The following STAB2 variants were observed in gnomAD, a reference collection of about 807,000 sequenced individuals.
STAB2 encodes stabilin 2.
STAB2 carries 288 observed loss-of-function variants against 338.1 expected under a neutral mutation model. The ratio of observed to expected loss-of-function variants is 0.85; its 90% confidence interval spans 0.77 to 0.94. STAB2 has a LOEUF of 0.94. STAB2 is among the 40% of genes least tolerant of loss of function. STAB2 has a pLI of 0.00. For missense variants in STAB2, 3,141 were observed against 3,210.1 expected, an observed-to-expected ratio of 0.98 and a Z score of 0.52; for synonymous variants, 1,202 against 1,193.3, an observed-to-expected ratio of 1.01 and a Z score of -0.15.
chr12:103,729,026 C>G, intron 48 of STAB2, 31 bp downstream of exon 48: 1 of 1,610,280 alleles, frequency 6.2e-7, no homozygotes, highest in African/African-American at 1.3e-5. Context: ...GGTCCTCTCT[C>G]CCCTAGATCA....
In STAB2 at chr12:103,749,732, C is replaced by T. The variant is rs375750338; in HGVS notation, c.6438+576C>T. On this transcript the variant is annotated intron_variant, in intron 59 of 68. Transcript: ENST00000388887. ...GCGGGCACCTGTAGTCCCAGCTACT[C>T]GGGAGGCTGAGGCAGGAGAATGGCA... is the stretch of plus-strand genomic sequence containing the variant. Among the ~76,000 whole-genome samples the T allele has an allele frequency of 6.2e-3, 917 of 148,704 alleles. 7 individuals are homozygous for T. Among genetic ancestry groups the T allele is most frequent in the African/African-American group, 0.019 (767 of 40,520 alleles).
chr12:103,725,788 T>C (rs1881152355), intron 45 of STAB2, among the ~76,000 whole-genome samples: 1 of 152,254 alleles, frequency 6.6e-6, no homozygotes, highest in Admixed American at 6.5e-5. Context: ...ATATTGTTAC[T>C]AGAGTAACCA....
intron 3 of STAB2, among the ~76,000 whole-genome samples, chr12:103,619,322 T>C (rs1957260697): frequency 6.6e-6 from 1 of 152,158 alleles, no homozygotes; most frequent in Non-Finnish European, 1.5e-5. Context: ...CAGTCAGAGC[T>C]CATCCATATT....
Position 103,730,139 on chromosome 12 carries a change from G to T in STAB2, c.5106G>T (p.Lys1702Asn), listed in dbSNP as rs568853262. The T allele has an allele frequency of 1.9e-6, 3 of 1,610,366 alleles. No homozygotes were observed. Among genetic ancestry groups the T allele is most frequent in the African/African-American group, 2.7e-5 (2 of 74,800 alleles). Residue 1702 changes from lysine (K) to asparagine (N), a missense_variant, in exon 49 of 69, where the codon AAG becomes AAT. Lys to Asn is a moderately conservative substitution (Grantham distance 94, BLOSUM62 0). Coordinates refer to ENST00000388887, the MANE Select transcript of STAB2 (RefSeq NM_017564.10). ...AGAGCACGGTGTATATAAACAATAA[G>T]GCTAAGATCATATCCAGTGATATCA... is the stretch of plus-strand genomic sequence containing the variant. ...VSQSTVYINN[K>N]AKIISSDIIS... is the part of the protein sequence containing the mutation.
At chr12:103,702,603 A>G (rs1165155604) in intron 34 of STAB2, among the ~76,000 whole-genome samples, 1 of 152,244 alleles carries the variant, frequency 6.6e-6, no homozygotes, top group East Asian at 1.9e-4. Context: ...CCGGCCTATC[A>G]GTTATTTTTA....
In STAB2 at chr12:103,654,618, A is replaced by G. The variant is rs192925107; in HGVS notation, c.1471A>G (p.Ile491Val). 1.2e-6 allele frequency: 2 copies of G among 1,614,220 alleles called. No homozygotes were observed. The highest frequency in any genetic ancestry group is 8.5e-7 in the Non-Finnish European group (1 of 1,180,018). The change falls in exon 13 of 69, where the codon ATC becomes GTC. Residue 491 changes from isoleucine (I) to valine (V), a missense_variant. Physicochemically the swap from Ile to Val is conservative, Grantham distance 29 (BLOSUM62 3). Transcript: ENST00000388887. ...KKKVKIIQGDIIASNGLLHIL... is the reference protein window; with the variant it reads ...KKKVKIIQGDVIASNGLLHIL... ...GAAGGTAAAAATTATACAAGGGGAC[A>G]TCATTGCTTCCAATGGGCTTCTGCA...
intron 65 of STAB2, among the ~76,000 whole-genome samples, chr12:103,760,288 T>C (rs949325621): frequency 5.9e-5 from 9 of 152,168 alleles, no homozygotes; most frequent in Non-Finnish European, 7.3e-5. Flanking sequence ...TTAGACAGTC[T>C]CTCGCTCTGT....
At chr12:103,626,673 T>G (rs1278462145) in intron 5 of STAB2, among the ~76,000 whole-genome samples, 2 of 152,210 alleles carry the variant, frequency 1.3e-5, no homozygotes, top group African/African-American at 4.8e-5. Flanking sequence ...AACCTTTTCA[T>G]CCAGGCATCT....
intron 3 of STAB2, among the ~76,000 whole-genome samples, chr12:103,606,871 C>G (rs192024569): frequency 6.6e-6 from 1 of 152,218 alleles, no homozygotes; most frequent in African/African-American, 2.4e-5. Context: ...GTAGTCCCAG[C>G]TACTTGGGTG....
intron 5 of STAB2, among the ~76,000 whole-genome samples, chr12:103,626,200 A>G (rs551781828): frequency 2.6e-5 from 4 of 152,376 alleles, no homozygotes; most frequent in Admixed American, 2.6e-4. Flanking sequence ...AGTAGCCACT[A>G]GCCACATATG....
intron 39 of STAB2, 127 bp from the exon 40 acceptor site, chr12:103,711,344 T>G (rs577264560): frequency 6.4e-6 from 8 of 1,253,020 alleles, no homozygotes; most frequent in Non-Finnish European, 9.0e-6. Flanking sequence ...CATGACCTCA[T>G]AGTTTTATAT....
At chr12:103,750,118 AC>A (rs1883494949) in intron 59 of STAB2, among the ~76,000 whole-genome samples, 1 of 152,230 alleles carries the variant, frequency 6.6e-6, no homozygotes, top group African/African-American at 2.4e-5. Flanking sequence ...CATTGATTCA[AC>A]CAGTGGTCAT....
chr12:103,668,814 TG>T (rs1875428434), intron 20 of STAB2, 85 bp downstream of exon 20: 1 of 1,222,092 alleles, frequency 8.2e-7, no homozygotes. Flanking sequence ...AGGGTCCACG[TG>T]GTCACAGGTG....
chr12:103,676,292 C>G (rs920443924), intron 24 of STAB2, among the ~76,000 whole-genome samples: 8 of 152,104 alleles, frequency 5.3e-5, no homozygotes, highest in Middle Eastern at 6.8e-3. Flanking sequence ...CTCCTGACCT[C>G]GTGATCTGCC....
At chr12:103,668,607 C>T (rs1458524274) in intron 19 of STAB2, 36 bp from the exon 20 acceptor site, 4 of 1,541,704 alleles carry the variant, frequency 2.6e-6, no homozygotes, top group Non-Finnish European at 3.5e-6. Flanking sequence ...CCTAAACATG[C>T]TGACTGCCAT....
At chr12:103,641,708 T>G (rs1263166110) in intron 9 of STAB2, among the ~76,000 whole-genome samples, 1 of 152,170 alleles carries the variant, frequency 6.6e-6, no homozygotes, top group Non-Finnish European at 1.5e-5. Flanking sequence ...AATCTAAAAA[T>G]GAAATGAGAA....
chr12:103,620,387 TTAG>T (rs58714504), intron 3 of STAB2, 78 bp from the exon 4 acceptor site: 221,316 of 1,291,276 alleles, frequency 0.17, 20,410 homozygotes, highest in East Asian at 0.29. Context: ...ACTAGCACAC[TTAG>T]TAGGTGTTTA....
intron 57 of STAB2, 46 bp from the exon 58 acceptor site, chr12:103,746,551 T>TC: frequency 6.3e-7 from 1 of 1,591,244 alleles, no homozygotes; most frequent in Non-Finnish European, 8.6e-7. Context: ...GGGTTTTAAC[T>TC]CTTCACACCA....
intron 50 of STAB2, among the ~76,000 whole-genome samples, chr12:103,732,434 C>T (rs2139082370): frequency 6.6e-6 from 1 of 152,298 alleles, no homozygotes; most frequent in Non-Finnish European, 1.5e-5. Context: ...CTTTCTGAGG[C>T]TCCCTCTTCC....
Sources: allele counts gnomAD v4.1 joint callset (sites outside exome capture counted in the v4.1 genomes callset), GRCh38; gene constraint gnomAD v4.1.1; transcripts MANE v1.5; gene names NCBI Gene and HGNC (gene_info 2026-07-23, HGNC 2026-07-21).